ANKMY2: variants seen among roughly 807,000 people sequenced by gnomAD.
The protein encoded by ANKMY2 is ankyrin repeat and MYND domain-containing protein 2.
A neutral mutation model predicts 50.4 loss-of-function variants in ANKMY2; 36 were observed. That is an observed-to-expected ratio of 0.71 (90% CI 0.55 to 0.94). The LOEUF is 0.94. Ranked by LOEUF, ANKMY2 falls within the 40% of genes least tolerant of loss-of-function variation. The pLI, the probability that ANKMY2 is intolerant of heterozygous loss-of-function variation, is 0.00. For missense variants in ANKMY2, 565 were observed against 524.0 expected, an observed-to-expected ratio of 1.08 and a Z score of -0.76; for synonymous variants, 187 against 178.8, an observed-to-expected ratio of 1.05 and a Z score of -0.36.
chr7:16,604,394 A>T (rs568479963), intron 8 of ANKMY2, among the ~76,000 whole-genome samples: 2 of 152,222 alleles, frequency 1.3e-5, no homozygotes, highest in South Asian at 4.1e-4. Flanking sequence ...TAGGTTTCAC[A>T]TCTGCACCAG....
intron 5 of ANKMY2, among the ~76,000 whole-genome samples, chr7:16,611,463 A>AT (rs1308580661): frequency 6.6e-6 from 1 of 152,172 alleles, no homozygotes; most frequent in East Asian, 1.9e-4. Flanking sequence ...AATATGGAGT[A>AT]TTTTTGTATT....
chr7:16,636,485 GT>G (rs1176470406), intron 1 of ANKMY2, 30 bp from the exon 2 acceptor site: 1 of 1,514,114 alleles, frequency 6.6e-7, no homozygotes, highest in Non-Finnish European at 8.9e-7. Context: ...GAAAAGTAAG[GT>G]TATTCGTCAC....
chr7:16,609,570 A>T, intron 7 of ANKMY2, 60 bp downstream of exon 7: 1 of 1,514,118 alleles, frequency 6.6e-7, no homozygotes, highest in Non-Finnish European at 8.8e-7. Flanking sequence ...GCCTTTAACA[A>T]TACAATAGGT....
chr7:16,628,908 T>TAAACAAAACAAAACA lies in ANKMY2; in HGVS notation c.133-1745_133-1731dup, dbSNP rs59359472. Among the ~76,000 whole-genome samples, 738 of 128,020 alleles carry TAAACAAAACAAAACA rather than the reference T, an allele frequency of 5.8e-3. 14 individuals are homozygous for TAAACAAAACAAAACA. The highest frequency in any genetic ancestry group is 0.038 in the Admixed American group (466 of 12,338). 84.0% of individuals were successfully genotyped at this position (128,020 alleles called of 152,430 possible). On this transcript the variant is annotated intron_variant, in intron 2 of 9. Coordinates refer to ENST00000306999, the MANE Select transcript of ANKMY2 (RefSeq NM_020319.3). ...CAGACTACAGAACTGGCCTCTAGTT[T>TAAACAAAACAAAACA]AAACAAAACAAAACAAAACAAAACA...
intron 4 of ANKMY2, among the ~76,000 whole-genome samples, chr7:16,617,242 C>A (rs1781368450): frequency 2.0e-5 from 3 of 152,302 alleles, no homozygotes; most frequent in Middle Eastern, 3.4e-3. Context: ...TCATAACCCA[C>A]TTGCATTAGA....
At chr7:16,624,263 T>G (rs1781480199) in intron 4 of ANKMY2, among the ~76,000 whole-genome samples, 1 of 152,170 alleles carries the variant, frequency 6.6e-6, no homozygotes, top group East Asian at 1.9e-4. Context: ...ACGTTGCTCT[T>G]TGCTTTTCTC....
chr7:16,613,486 A>G (rs185383248), intron 5 of ANKMY2, among the ~76,000 whole-genome samples: 19 of 152,302 alleles, frequency 1.2e-4, no homozygotes, highest in African/African-American at 4.6e-4. Flanking sequence ...TAGATTGTTT[A>G]TACCTACAAA....
Position 16,645,240 on chromosome 7 carries a change from G to C in ANKMY2, c.67+267C>G, listed in dbSNP as rs143443954. ...GGAAGCTCGCATTAACCTAAGGCGG[G>C]GCGTGGAAATCCGTACGTTTCCAAA... On this transcript the variant is annotated intron_variant, in intron 1 of 9. Transcript: ENST00000306999. Among the ~76,000 whole-genome samples, 530 of 152,282 alleles carry C rather than the reference G, an allele frequency of 3.5e-3. 5 individuals are homozygous for C. The highest frequency in any genetic ancestry group is 0.012 in the African/African-American group (517 of 41,552).
chr7:16,643,576 G>A (rs986909345), intron 1 of ANKMY2, among the ~76,000 whole-genome samples: 2 of 152,046 alleles, frequency 1.3e-5, no homozygotes, highest in African/African-American at 4.8e-5. Flanking sequence ...AAATATCACA[G>A]CACTAACCAG....
chr7:16,614,988 A>G, intron 5 of ANKMY2, among the ~76,000 whole-genome samples: 1 of 152,218 alleles, frequency 6.6e-6, no homozygotes, highest in East Asian at 1.9e-4. Context: ...TGTAAACAAC[A>G]ACAGCAAAAG....
chr7:16,602,563 CCTAA>C, intron 8 of ANKMY2, 54 bp from the exon 9 acceptor site: 1 of 1,574,302 alleles, frequency 6.4e-7, no homozygotes, highest in Non-Finnish European at 8.6e-7. Context: ...TGTATGATTT[CCTAA>C]CTATGACTAA....
At chr7:16,606,310 T>C (rs1425264223) in intron 7 of ANKMY2, among the ~76,000 whole-genome samples, 1 of 152,010 alleles carries the variant, frequency 6.6e-6, no homozygotes, top group African/African-American at 2.4e-5. Context: ...ACGCCTGTAG[T>C]CCCAGCTACT....
chr7:16,610,397 T>TATTATACTTATATTGAGTG, intron 6 of ANKMY2, 152 bp downstream of exon 6: 1 of 637,352 alleles, frequency 1.6e-6, no homozygotes, highest in Non-Finnish European at 2.7e-6. Flanking sequence ...ATAAGTATAA[T>TATTATACTTATATTGAGTG]ATTATTCTCT....
At chr7:16,645,427 C>G (rs931223911) in intron 1 of ANKMY2, 80 bp downstream of exon 1, 3 of 1,392,012 alleles carry the variant, frequency 2.2e-6, no homozygotes, top group Non-Finnish European at 2.9e-6. Flanking sequence ...AAAGGTCACC[C>G]AGGCCAGGAG....
chr7:16,637,809 C>G (rs1781688155), intron 1 of ANKMY2, among the ~76,000 whole-genome samples: 1 of 152,188 alleles, frequency 6.6e-6, no homozygotes, highest in African/African-American at 2.4e-5. Context: ...CTACTGAGAA[C>G]CAAAGTTATT....
Position 16,600,464 on chromosome 7 carries a change from T to C in ANKMY2, c.*297A>G. The C allele has an allele frequency of 4.6e-6, 1 of 218,492 alleles. No homozygotes were observed. The highest frequency in any genetic ancestry group is 1.5e-3 in the Middle Eastern group (1 of 664). 13.5% of individuals were successfully genotyped at this position (218,492 alleles called of 1,614,324 possible). A position where few individuals can be genotyped will look rare whatever the true frequency, so the allele number is the denominator to read the frequency against. On this transcript the variant is annotated 3_prime_UTR_variant, in exon 10 of 10. Coordinates refer to ENST00000306999, the MANE Select transcript of ANKMY2 (RefSeq NM_020319.3). ...AGCCTGTATTTTTTCTTTAAGGGGATCTATTTTCCTTTGAAACAATTGCTG... is the reference window on the plus strand; with the variant it reads ...AGCCTGTATTTTTTCTTTAAGGGGACCTATTTTCCTTTGAAACAATTGCTG...
At chr7:16,602,658 T>G (rs1562764576) in intron 8 of ANKMY2, 149 bp from the exon 9 acceptor site, 1 of 1,088,648 alleles carries the variant, frequency 9.2e-7, no homozygotes, top group East Asian at 2.6e-5. Context: ...GTTTGGATGT[T>G]GTCCCCTCTA....
intron 1 of ANKMY2, among the ~76,000 whole-genome samples, chr7:16,638,498 T>C (rs6461267): frequency 0.81 from 123,026 of 152,224 alleles, 50,072 homozygotes; most frequent in African/African-American, 0.89. Context: ...AGAGATTCCA[T>C]GCTCTTTCCA....
chr7:16,639,569 A>C (rs772747496), intron 1 of ANKMY2, among the ~76,000 whole-genome samples: 2 of 152,184 alleles, frequency 1.3e-5, no homozygotes, highest in Non-Finnish European at 2.9e-5. Flanking sequence ...GATTATGTAC[A>C]TAATATTTTC....
Sources: gnomAD v4.1 joint callset for allele counts (sites outside exome capture counted in the v4.1 genomes callset) on GRCh38, gnomAD v4.1.1 for gene constraint, MANE v1.5 for transcripts, NCBI Gene and HGNC (gene_info 2026-07-23, HGNC 2026-07-21) for gene names.